Variants in MPP7 observed in about 807,000 individuals in gnomAD.
The protein encoded by MPP7 is MAGUK p55 subfamily member 7.
A neutral mutation model predicts 76.5 loss-of-function variants in MPP7; 60 were observed. The observed-to-expected ratio is 0.78, with a 90% CI of 0.64 to 0.97. MPP7 has a LOEUF of 0.97. Among genes scored for constraint, MPP7 ranks in the 50% least tolerant of loss-of-function variants. The probability of loss-of-function intolerance (pLI) is 0.00; values close to 1 mark genes in which losing one functional copy is unlikely to be tolerated. For missense variants in MPP7, 641 were observed against 694.0 expected (o/e 0.92, Z 0.86); for synonymous variants, 237 against 244.5 (o/e 0.97, Z 0.29).
intron 1 of MPP7, among the ~76,000 whole-genome samples, chr10:28,245,160 C>G (rs1839391357): frequency 6.6e-6 from 1 of 152,156 alleles, no homozygotes; most frequent in South Asian, 2.1e-4. Flanking sequence ...CTCTGTATCT[C>G]TTTCCTCTAA....
chr10:28,140,921 C>G (rs1292575120), intron 5 of MPP7, among the ~76,000 whole-genome samples: 1 of 151,996 alleles, frequency 6.6e-6, no homozygotes, highest in African/African-American at 2.4e-5. Flanking sequence ...ATTTCTTTTT[C>G]AAAGGTCTCA....
intron 1 of MPP7, among the ~76,000 whole-genome samples, chr10:28,285,116 T>C (rs957322686): frequency 2.6e-5 from 4 of 152,222 alleles, no homozygotes; most frequent in African/African-American, 7.2e-5. Context: ...GGGACTAATC[T>C]AAGAGACCAG....
At chr10:28,169,537 A>G (rs1353763913) in intron 3 of MPP7, among the ~76,000 whole-genome samples, 3 of 151,994 alleles carry the variant, frequency 2.0e-5, no homozygotes, top group Non-Finnish European at 4.4e-5. Context: ...TAATTAATAC[A>G]CGTTAGATAA....
chr10:28,166,424 T>TGGGG (rs1554844611), intron 3 of MPP7, among the ~76,000 whole-genome samples: 6 of 129,470 alleles, frequency 4.6e-5, no homozygotes, highest in African/African-American at 1.6e-4. Context: ...TTTTTTTTTT[T>TGGGG]GGGACAGAGT....
upstream of MPP7, among the ~76,000 whole-genome samples, chr10:28,306,676 G>GAGAGAA (rs1564769198): frequency 6.6e-6 from 1 of 151,736 alleles, no homozygotes; most frequent in Non-Finnish European, 1.5e-5. Context: ...GATAGAGAGA[G>GAGAGAA]AGAGAGAGAT....
intron 3 of MPP7, among the ~76,000 whole-genome samples, chr10:28,175,640 G>A (rs937288563): frequency 3.3e-5 from 5 of 151,974 alleles, no homozygotes; most frequent in Non-Finnish European, 5.9e-5. Flanking sequence ...CCATACTTAC[G>A]AACACTTTAT....
intron 11 of MPP7, among the ~76,000 whole-genome samples, chr10:28,109,269 C>T (rs1834421408): frequency 6.6e-6 from 1 of 152,020 alleles, no homozygotes; most frequent in Non-Finnish European, 1.5e-5. Flanking sequence ...ACCTGGGCAA[C>T]AGAGTGAGAC....
intron 5 of MPP7, among the ~76,000 whole-genome samples, chr10:28,145,846 T>C (rs1448970644): frequency 2.0e-5 from 3 of 152,174 alleles, no homozygotes; most frequent in African/African-American, 2.4e-5. Context: ...CTAATTATTA[T>C]AAAATTTTAT....
At chr10:28,077,918 A>C (rs1451828879) in intron 12 of MPP7, among the ~76,000 whole-genome samples, 4 of 152,192 alleles carry the variant, frequency 2.6e-5, no homozygotes, top group Admixed American at 2.0e-4. Context: ...CATGTGTGAC[A>C]TGGTTCACAT....
At chr10:28,143,581 C>CGTGTGCTCTGTGTGTG (rs765475349) in intron 5 of MPP7, among the ~76,000 whole-genome samples, 6 of 151,682 alleles carry the variant, frequency 4.0e-5, no homozygotes, top group Admixed American at 1.3e-4. Context: ...GTATTCCTAT[C>CGTGTGCTCTGTGTGTG]TTTGTGGATC....
At position 28,161,664 on chromosome 10, in the gene MPP7, T is replaced by A. The variant is rs368827617; in HGVS notation, c.157-11605A>T. On this transcript the variant is annotated intron_variant, in intron 3 of 16. Coordinates refer to ENST00000683449, the MANE Select transcript of MPP7 (RefSeq NM_001318170.2). Reference sequence around the variant, plus strand: ...ACAACATTTCCTACCACCTCAAAGCTAAACATCCTCGATTTCTGAAGTCTA... The same window carrying A: ...ACAACATTTCCTACCACCTCAAAGCAAAACATCCTCGATTTCTGAAGTCTA... 1.5e-4 allele frequency among the ~76,000 whole-genome samples: 23 copies of A among 152,268 alleles called. No homozygotes were observed. The East Asian group carries it at 4.3e-3, about 28-fold the overall frequency.
At chr10:28,173,411 A>T (rs779051400) in intron 3 of MPP7, among the ~76,000 whole-genome samples, 2 of 152,200 alleles carry the variant, frequency 1.3e-5, no homozygotes. Flanking sequence ...TCATGGAAGA[A>T]ATAAAATTGG....
intron 4 of MPP7, 119 bp downstream of exon 4, chr10:28,149,863 T>G: frequency 1.7e-6 from 1 of 590,164 alleles, no homozygotes; most frequent in South Asian, 2.6e-5. Context: ...TGGAAACATT[T>G]GTAACCTCTT....
At chr10:28,303,451 G>A (rs7903242), upstream of MPP7, 16,406 of 152,200 alleles carry the variant, frequency 0.11, 1,381 homozygotes, top group East Asian at 0.41. Context: ...GCGATTCTCT[G>A]ATTTCAGTAT....
chr10:28,238,276 A>G (rs1226726672), intron 2 of MPP7, among the ~76,000 whole-genome samples: 2 of 152,198 alleles, frequency 1.3e-5, no homozygotes, highest in South Asian at 2.1e-4. Context: ...ATACTTTTCT[A>G]TAAGTTTCAA....
intron 11 of MPP7, among the ~76,000 whole-genome samples, chr10:28,096,614 T>G (rs1423737893): frequency 6.6e-6 from 1 of 152,232 alleles, no homozygotes; most frequent in Non-Finnish European, 1.5e-5. Flanking sequence ...AAATTTAAAC[T>G]GTTTACGTGT....
chr10:28,147,667 A>G (rs1452042779), intron 4 of MPP7, 104 bp from the exon 5 acceptor site: 1 of 967,334 alleles, frequency 1.0e-6, no homozygotes, highest in African/African-American at 1.6e-5. Flanking sequence ...ATTACTTTCC[A>G]ATGTTTAAGG....
Position 28,245,466 on chromosome 10 carries a change from T to C in MPP7, c.-131-6731A>G, listed in dbSNP as rs147013316. 6.2e-3 allele frequency among the ~76,000 whole-genome samples: 939 copies of C among 152,122 alleles called. 7 individuals are homozygous for C. The highest frequency in any genetic ancestry group is 0.041 in the Middle Eastern group (12 of 294). On this transcript the variant is annotated intron_variant, in intron 1 of 16. Coordinates refer to ENST00000683449, the MANE Select transcript of MPP7 (RefSeq NM_001318170.2). ...CAGAGTCACCTCATCATTTTACCTA[T>C]AGGGAGATAGCACAGCCTAACAATG...
chr10:28,262,225 ACAT>A (rs1839993157), intron 1 of MPP7, among the ~76,000 whole-genome samples: 1 of 23,638 alleles, frequency 4.2e-5, no homozygotes. Flanking sequence ...ATATATATAT[ACAT>A]ATATATATAT....
Sources: gnomAD v4.1 joint callset for allele counts (sites outside exome capture counted in the v4.1 genomes callset) on GRCh38, gnomAD v4.1.1 for gene constraint, MANE v1.5 for transcripts, NCBI Gene and HGNC (gene_info 2026-07-23, HGNC 2026-07-21) for gene names.